RIMS1: variants seen among roughly 807,000 people sequenced by gnomAD.
The protein encoded by RIMS1 is regulating synaptic membrane exocytosis protein 1.
A neutral mutation model predicts 214.1 loss-of-function variants in RIMS1; 83 were observed. That is an observed-to-expected ratio of 0.39 (90% CI 0.32 to 0.47). The LOEUF (loss-of-function observed/expected upper bound fraction) is 0.47. Ranked by LOEUF, RIMS1 falls within the 20% of genes least tolerant of loss-of-function variation. RIMS1 has a pLI of 0.99. For synonymous variants in RIMS1, 793 were observed against 786.8 expected, an observed-to-expected ratio of 1.01 and a Z score of -0.13; for missense variants, 2,050 against 2,161.8, an observed-to-expected ratio of 0.95 and a Z score of 1.03.
At chr6:72,131,956 A>G (rs1445698255) in intron 4 of RIMS1, among the ~76,000 whole-genome samples, 1 of 152,216 alleles carries the variant, frequency 6.6e-6, no homozygotes, top group African/African-American at 2.4e-5. Context: ...AAGAAGAGAA[A>G]TATGGCTCTG....
chr6:72,218,030 G>GA (rs1482314642), intron 6 of RIMS1, among the ~76,000 whole-genome samples: 1 of 150,304 alleles, frequency 6.7e-6, no homozygotes, highest in Non-Finnish European at 1.5e-5. Flanking sequence ...TTTTCATGTA[G>GA]AAAAAAGACA....
At chr6:72,071,866 C>G (rs1830651453) in intron 2 of RIMS1, among the ~76,000 whole-genome samples, 1 of 152,034 alleles carries the variant, frequency 6.6e-6, no homozygotes, top group South Asian at 2.1e-4. Context: ...AATGACTTAG[C>G]CTGAGGAAAA....
intron 6 of RIMS1, among the ~76,000 whole-genome samples, chr6:72,218,320 T>C (rs1346827428): frequency 6.6e-6 from 1 of 152,086 alleles, no homozygotes; most frequent in Non-Finnish European, 1.5e-5. Context: ...TCCTCACTGC[T>C]CACTTGCTCC....
At chr6:72,103,284 A>T (rs1316358663) in intron 4 of RIMS1, among the ~76,000 whole-genome samples, 1 of 152,086 alleles carries the variant, frequency 6.6e-6, no homozygotes, top group East Asian at 1.9e-4. Flanking sequence ...TGACAAATCT[A>T]TTTTTGAAAT....
chr6:72,312,642 C>T (rs1486310900), intron 27 of RIMS1, among the ~76,000 whole-genome samples: 1 of 151,954 alleles, frequency 6.6e-6, no homozygotes, highest in Non-Finnish European at 1.5e-5. Context: ...AATAAGGATC[C>T]AGTATTCTAC....
intron 2 of RIMS1, among the ~76,000 whole-genome samples, chr6:72,078,646 C>A (rs956927196): frequency 1.3e-4 from 20 of 152,000 alleles, no homozygotes; most frequent in African/African-American, 4.3e-4. Context: ...TAGAAGCTTT[C>A]TCCTAGACTT....
At chr6:71,987,616 T>C (rs988009113) in intron 2 of RIMS1, among the ~76,000 whole-genome samples, 9 of 152,202 alleles carry the variant, frequency 5.9e-5, no homozygotes, top group African/African-American at 2.2e-4. Context: ...GGCTTGACCT[T>C]TTGTGCTACA....
chr6:72,185,666 A>G (rs765239935), intron 6 of RIMS1, among the ~76,000 whole-genome samples: 2 of 152,240 alleles, frequency 1.3e-5, no homozygotes, highest in South Asian at 2.1e-4. Flanking sequence ...GGATCCTTCT[A>G]TGATAGAGAC....
At chr6:72,254,146 G>GA (rs563372526) in intron 16 of RIMS1, among the ~76,000 whole-genome samples, 65 of 152,236 alleles carry the variant, frequency 4.3e-4, no homozygotes, top group Non-Finnish European at 6.8e-4. Context: ...TTACAGGTGT[G>GA]AGCCACCATG....
intron 28 of RIMS1, among the ~76,000 whole-genome samples, chr6:72,320,235 G>T (rs1463911354): frequency 6.6e-6 from 1 of 152,120 alleles, no homozygotes; most frequent in Non-Finnish European, 1.5e-5. Context: ...TTGTCTCCAA[G>T]AATTGCCTGA....
chr6:72,149,783 A>T (rs1388897115), intron 4 of RIMS1, among the ~76,000 whole-genome samples: 3 of 152,174 alleles, frequency 2.0e-5, no homozygotes, highest in Non-Finnish European at 4.4e-5. Flanking sequence ...ACAGCCAGCA[A>T]CATCCTTGAT....
chr6:72,158,287 C>G lies in RIMS1; in HGVS notation c.472-21288C>G, dbSNP rs192634880. On this transcript the variant is annotated intron_variant, in intron 4 of 33. Transcript: ENST00000521978. ...AGAATTCCATTTGACATTTATTTTC[C>G]TACATCACCAAAGTATAATTGCATT... Among the ~76,000 whole-genome samples the G allele has an allele frequency of 1.8e-4, 25 of 140,806 alleles. 5 individuals are homozygous for G. The highest frequency in any genetic ancestry group is 1.6e-3 in the Admixed American group (22 of 13,732). 92.4% of individuals were successfully genotyped at this position (140,806 alleles called of 152,430 possible). A position where few individuals can be genotyped will look rare whatever the true frequency, so the allele number is the denominator to read the frequency against.
At chr6:71,982,425 G>A (rs1350423929) in intron 2 of RIMS1, among the ~76,000 whole-genome samples, 1 of 152,076 alleles carries the variant, frequency 6.6e-6, no homozygotes, top group Non-Finnish European at 1.5e-5. Context: ...ACATAAGAGT[G>A]CTCAAATATT....
chr6:72,398,353 AAGG>A lies in RIMS1; in HGVS notation c.4720+6_4720+8del. The A allele has an allele frequency of 6.4e-7, 1 of 1,571,600 alleles. No individual in the cohort carries two copies. Among genetic ancestry groups the A allele is most frequent in the Non-Finnish European group, 8.7e-7 (1 of 1,150,916 alleles). On this transcript the variant is annotated splice_donor_5th_base_variant and intron_variant, in intron 32 of 33. Coordinates refer to ENST00000521978, the MANE Select transcript of RIMS1 (RefSeq NM_014989.7). ...GCCTGGTTCCAAATCTACACCTGGTAAGGAGAAGTATTCCTGAATTTGGTGAAG... is the reference window on the plus strand; with the variant it reads ...GCCTGGTTCCAAATCTACACCTGGTAAGAAGTATTCCTGAATTTGGTGAAG...
intron 6 of RIMS1, among the ~76,000 whole-genome samples, chr6:72,226,318 T>C (rs1271001050): frequency 6.6e-6 from 1 of 152,106 alleles, no homozygotes; most frequent in African/African-American, 2.4e-5. Context: ...TCTAAATTTA[T>C]ATAAATGTAC....
At chr6:72,127,002 GT>G (rs35406141) in intron 4 of RIMS1, among the ~76,000 whole-genome samples, 289 of 152,236 alleles carry the variant, frequency 1.9e-3, no homozygotes, top group Middle Eastern at 3.4e-3. Context: ...TGAAGATCCA[GT>G]TTGCATAATT....
chr6:71,942,607 C>G (rs1381769392), intron 1 of RIMS1, among the ~76,000 whole-genome samples: 1 of 152,080 alleles, frequency 6.6e-6, no homozygotes, highest in Non-Finnish European at 1.5e-5. Flanking sequence ...ATACAGGTAG[C>G]TCTTTTAGAT....
intron 26 of RIMS1, chr6:72,296,015 A>AATATAAT (rs951255892): frequency 3.6e-5 from 9 of 248,904 alleles, no homozygotes; most frequent in Admixed American, 6.5e-5. Flanking sequence ...TACTTTTAAA[A>AATATAAT]ATATAATATA....
At chr6:72,191,436 A>C (rs569553325) in intron 6 of RIMS1, among the ~76,000 whole-genome samples, 3 of 152,352 alleles carry the variant, frequency 2.0e-5, no homozygotes, top group Admixed American at 6.5e-5. Flanking sequence ...TTCATCAGTA[A>C]GTCCAGTGTG....
Sources: allele counts gnomAD v4.1 joint callset (sites outside exome capture counted in the v4.1 genomes callset), GRCh38; gene constraint gnomAD v4.1.1; transcripts MANE v1.5; gene names NCBI Gene and HGNC (gene_info 2026-07-23, HGNC 2026-07-21).